The following CTNNA3 variants were observed in gnomAD, a reference collection of about 807,000 sequenced individuals.
The protein encoded by CTNNA3 is catenin alpha-3.
Under a neutral mutation model 95.7 loss-of-function variants are expected in CTNNA3, and 76 were observed. That is an observed-to-expected ratio of 0.79 (90% CI 0.66 to 0.96). The LOEUF (loss-of-function observed/expected upper bound fraction) is 0.96. Ranked by LOEUF, CTNNA3 falls within the 40% of genes least tolerant of loss-of-function variation. The pLI, the probability that CTNNA3 is intolerant of heterozygous loss-of-function variation, is 0.00. For synonymous variants in CTNNA3, 431 were observed against 374.4 expected, an observed-to-expected ratio of 1.15 and a Z score of -1.74; for missense variants, 1,191 against 1,089.8, an observed-to-expected ratio of 1.09 and a Z score of -1.31.
At chr10:67,762,374 T>TCCC (rs1238577460) in intron 1 of CTNNA3, among the ~76,000 whole-genome samples, 3 of 94,962 alleles carry the variant, frequency 3.2e-5, no homozygotes, top group African/African-American at 1.2e-4. Flanking sequence ...TGCTTTCCCC[T>TCCC]CCCCCCCCCA....
chr10:66,832,933 T>C (rs1842770051), intron 7 of CTNNA3, among the ~76,000 whole-genome samples: 1 of 152,182 alleles, frequency 6.6e-6, no homozygotes, highest in African/African-American at 2.4e-5. Flanking sequence ...TGCATCACAT[T>C]CTATTTGAGC....
intron 7 of CTNNA3, among the ~76,000 whole-genome samples, chr10:67,075,046 C>T (rs2619654): frequency 0.14 from 20,892 of 151,944 alleles, 1,930 homozygotes; most frequent in African/African-American, 0.27. Flanking sequence ...TCTTCAGCTT[C>T]TAACAGTAAG....
intron 7 of CTNNA3, among the ~76,000 whole-genome samples, chr10:66,995,500 C>A (rs1451073885): frequency 6.6e-6 from 1 of 152,164 alleles, no homozygotes; most frequent in East Asian, 1.9e-4. Context: ...TTTTAAAACA[C>A]GAAGCAGATA....
At chr10:66,956,121 C>G (rs922129484) in intron 7 of CTNNA3, among the ~76,000 whole-genome samples, 3 of 151,882 alleles carry the variant, frequency 2.0e-5, no homozygotes, top group Non-Finnish European at 4.4e-5. Flanking sequence ...GAAGAAGAAC[C>G]TTTTTGCTTG....
chr10:67,622,969 A>C (rs1427596499), intron 2 of CTNNA3, among the ~76,000 whole-genome samples: 1 of 152,206 alleles, frequency 6.6e-6, no homozygotes, highest in Non-Finnish European at 1.5e-5. Flanking sequence ...TTTTAAGGTT[A>C]CTCGTTGAGG....
chr10:66,330,968 C>A (rs2092319628), intron 12 of CTNNA3, among the ~76,000 whole-genome samples: 1 of 151,970 alleles, frequency 6.6e-6, no homozygotes, highest in Non-Finnish European at 1.5e-5. Context: ...TGGATATTAG[C>A]CCTTTGTCAG....
At chr10:66,425,862 CA>C (rs1404448693) in intron 11 of CTNNA3, among the ~76,000 whole-genome samples, 2 of 152,002 alleles carry the variant, frequency 1.3e-5, no homozygotes, top group Admixed American at 1.3e-4. Flanking sequence ...ACAACATTAC[CA>C]GCTCCCCAGA....
At chr10:65,933,386 T>G (rs923244613) in intron 17 of CTNNA3, among the ~76,000 whole-genome samples, 1 of 152,186 alleles carries the variant, frequency 6.6e-6, no homozygotes, top group Non-Finnish European at 1.5e-5. Flanking sequence ...TTTACTCACT[T>G]GCATTCTGAT....
intron 7 of CTNNA3, among the ~76,000 whole-genome samples, chr10:66,980,986 A>G (rs912636907): frequency 1.1e-4 from 16 of 152,054 alleles, no homozygotes; most frequent in African/African-American, 3.9e-4. Context: ...GGCTCACCCC[A>G]ACCTCCACCT....
intron 2 of CTNNA3, among the ~76,000 whole-genome samples, chr10:67,613,818 AC>A (rs1843549236): frequency 6.6e-6 from 1 of 152,038 alleles, no homozygotes; most frequent in Non-Finnish European, 1.5e-5. Flanking sequence ...GGTACCAGAG[AC>A]CCATTTTATG....
chr10:67,753,717 G>C (rs1283510358), intron 1 of CTNNA3, among the ~76,000 whole-genome samples: 1 of 152,180 alleles, frequency 6.6e-6, no homozygotes, highest in African/African-American at 2.4e-5. Context: ...ATGAAAAAAA[G>C]CTCAACATTA....
At chr10:66,356,696 A>G (rs1218713929) in intron 12 of CTNNA3, among the ~76,000 whole-genome samples, 1 of 152,018 alleles carries the variant, frequency 6.6e-6, no homozygotes, top group Non-Finnish European at 1.5e-5. Flanking sequence ...TGTTGTTAGG[A>G]AGAAAGCATT....
At chr10:66,649,752 A>T (rs7907997) in intron 9 of CTNNA3, among the ~76,000 whole-genome samples, 100,384 of 152,120 alleles carry the variant, frequency 0.66, 34,047 homozygotes, top group East Asian at 0.95. Context: ...AGGCTCGGGA[A>T]CAGCCCCAGT....
intron 16 of CTNNA3, among the ~76,000 whole-genome samples, chr10:65,985,075 T>G (rs1443371701): frequency 3.3e-5 from 5 of 151,184 alleles, no homozygotes; most frequent in African/African-American, 1.2e-4. Context: ...TATTAAACAG[T>G]TTATTATAAT....
chr10:67,546,792 C>T lies in CTNNA3; in HGVS notation c.293-7123G>A, dbSNP rs1840857211. Among the ~76,000 whole-genome samples the T allele has an allele frequency of 2.6e-5, 4 of 152,014 alleles. No individual in the cohort carries two copies. In the South Asian group the frequency reaches 8.3e-4, roughly 32 times the overall value. The stretch of plus-strand genomic sequence containing the variant: ...AAAATAAACCTTATAACTAAGATTT[C>T]CGACTAAAGTTAATTTATCATTTTT... On this transcript the variant is annotated intron_variant, in intron 3 of 17. Transcript: ENST00000433211.
At chr10:67,014,679 C>T (rs932203043) in intron 7 of CTNNA3, among the ~76,000 whole-genome samples, 1 of 151,854 alleles carries the variant, frequency 6.6e-6, no homozygotes, top group Non-Finnish European at 1.5e-5. Context: ...ACTATTCTTT[C>T]ATTGAGATGA....
chr10:65,920,451 T>A lies in CTNNA3; in HGVS notation c.2567A>T (p.Lys856Ile). 1.2e-6 allele frequency: 2 copies of A among 1,614,148 alleles called. No homozygotes were observed. The highest frequency in any genetic ancestry group is 8.5e-7 in the Non-Finnish European group (1 of 1,180,024). Residue 856 changes from lysine to isoleucine, a missense_variant, in exon 18 of 18, where the codon AAA (lysine) becomes ATA (isoleucine). Coordinates refer to ENST00000433211, the MANE Select transcript of CTNNA3 (RefSeq NM_013266.4). ...TGGCTTCTCTCTTTTAATCAAGGGT[T>A]TTTTTGCAGGAGCCTTCATTCTCCA... ...VMWRMKAPAK[K>I]PLIKREKPEE...
chr10:67,399,814 A>C (rs1482931736), intron 5 of CTNNA3, among the ~76,000 whole-genome samples: 1 of 152,344 alleles, frequency 6.6e-6, no homozygotes, highest in South Asian at 2.1e-4. Context: ...AAACTTTTGT[A>C]TCTCCCAAAA....
intron 11 of CTNNA3, among the ~76,000 whole-genome samples, chr10:66,406,804 T>C (rs1262010315): frequency 6.6e-6 from 1 of 152,174 alleles, no homozygotes; most frequent in African/African-American, 2.4e-5. Flanking sequence ...TCTTGTATAA[T>C]TATGTCATTA....
Sources: gnomAD v4.1 joint callset for allele counts (sites outside exome capture counted in the v4.1 genomes callset) on GRCh38, gnomAD v4.1.1 for gene constraint, MANE v1.5 for transcripts, NCBI Gene and HGNC (gene_info 2026-07-23, HGNC 2026-07-21) for gene names.